Variants in MCOLN1 observed in about 807,000 individuals in gnomAD.
The protein encoded by MCOLN1 is mucolipin TRP cation channel 1.
Under a neutral mutation model 70.3 loss-of-function variants are expected in MCOLN1, and 50 were observed. The ratio of observed to expected loss-of-function variants is 0.71; its 90% CI spans 0.57 to 0.90. The LOEUF (loss-of-function observed/expected upper bound fraction) is 0.90, where lower values mean the gene tolerates loss of function less well. Among genes scored for constraint, MCOLN1 ranks in the 40% least tolerant of loss-of-function variants. The pLI is 0.00. For synonymous variants in MCOLN1, 366 were observed against 341.0 expected (o/e 1.07, Z -0.81); for missense variants, 598 against 803.5 (o/e 0.74, Z 3.09).
chr19:7,522,780 A>G lies in MCOLN1; in HGVS notation c.30A>G (p.Ser10=). Reference sequence around the variant, plus strand: ...CAGCCCCGGCGGGTCCGCGCGGCTCAGGTGAGGGCGCGGGCGGCACCGTGG... The same window carrying G: ...CAGCCCCGGCGGGTCCGCGCGGCTCGGGTGAGGGCGCGGGCGGCACCGTGG... The part of the protein sequence containing the change: MTAPAGPRG[S]ETERLLTPNP... Residue 10 remains serine (S), a splice_region_variant and synonymous_variant, in exon 1 of 14, where the codon TCA becomes TCG. Transcript: ENST00000264079. The G allele has an allele frequency of 3.7e-6, 5 of 1,368,282 alleles. No individual in the cohort carries two copies. The highest frequency in any genetic ancestry group is 4.7e-6 in the Non-Finnish European group (5 of 1,066,436). The allele number at this position is 1,368,282 out of a possible 1,614,324, so 84.8% of individuals were successfully genotyped here.
chr19:7,529,730 TG>T lies in MCOLN1; in HGVS notation c.1359+19del. ...ATGTGAAGGTACATCTAACCCCTGA[TG>T]TCCCTGACATTGACCCTGTGACCTT... is the stretch of plus-strand genomic sequence containing the variant. On this transcript the variant is annotated intron_variant, in intron 11 of 13. Coordinates refer to ENST00000264079, the MANE Select transcript of MCOLN1 (RefSeq NM_020533.3). 2 of 1,613,888 alleles carry T rather than the reference TG, an allele frequency of 1.2e-6. No individual in the cohort carries two copies.
chr19:7,529,520 C>CCACA (rs2022623641), intron 10 of MCOLN1, 70 bp from the exon 11 acceptor site: 13 of 1,386,818 alleles, frequency 9.4e-6, no homozygotes, highest in Admixed American at 3.6e-5. Flanking sequence ...CTCCCACCCC[C>CCACA]ATCTGGGTGC....
Position 7,530,442 on chromosome 19 carries a change from A to T in MCOLN1, c.1516A>T (p.Ile506Phe). The T allele has an allele frequency of 1.2e-6, 2 of 1,613,220 alleles. No homozygotes were observed. Among genetic ancestry groups the T allele is most frequent in the Non-Finnish European group, 1.7e-6 (2 of 1,180,016 alleles). ...CCTTTACTCCTTCATCAGCCTCTTC[A>T]TCTACATGGTGCTCAGCCTCTTCAT... ...LYLYSFISLF[I>F]YMVLSLFIAL... The change falls in exon 12 of 14, where the codon ATC (isoleucine) becomes TTC (phenylalanine). Residue 506 changes from isoleucine (I) to phenylalanine (F), a missense_variant. Coordinates refer to ENST00000264079, the MANE Select transcript of MCOLN1 (RefSeq NM_020533.3).
intron 13 of MCOLN1, 31 bp downstream of exon 13, chr19:7,533,684 T>C (rs1435210281): frequency 5.0e-6 from 8 of 1,614,042 alleles, no homozygotes; most frequent in Middle Eastern, 1.6e-4. Flanking sequence ...ACATTCAGAT[T>C]GGAGGTTAGG....
At position 7,533,402 on chromosome 19, in the gene MCOLN1, G is replaced by A. The variant is rs995805253; in HGVS notation, c.1576-121G>A. ...TGGAACAACGGGTGGAGCAGGCCCA[G>A]CAAGTGCAAAGGCCCGGAGGTGGGA... is the stretch of plus-strand genomic sequence containing the variant. On this transcript the variant is annotated intron_variant, in intron 12 of 13. Coordinates refer to ENST00000264079, the MANE Select transcript of MCOLN1 (RefSeq NM_020533.3). The A allele has an allele frequency of 8.2e-6, 11 of 1,347,894 alleles. No individual in the cohort carries two copies. In the Admixed American group the frequency reaches 1.5e-4, roughly 19 times the overall value. The allele number at this position is 1,347,894 out of a possible 1,614,324, so 83.5% of individuals were successfully genotyped here. A position where few individuals can be genotyped will look rare whatever the true frequency, so the allele number is the denominator to read the frequency against.
chr19:7,526,280 A>C lies in MCOLN1; in HGVS notation c.238-159A>C. The C allele has an allele frequency of 1.2e-6, 1 of 823,836 alleles. No homozygotes were observed. Among genetic ancestry groups the C allele is most frequent in the South Asian group, 1.4e-5 (1 of 69,432 alleles). The allele number at this position is 823,836 out of a possible 1,614,324, so 51.0% of individuals were successfully genotyped here. On this transcript the variant is annotated intron_variant, in intron 2 of 13. Coordinates refer to ENST00000264079, the MANE Select transcript of MCOLN1 (RefSeq NM_020533.3). The surrounding 1 kb of genome is among the most constrained non-coding windows in gnomAD (Gnocchi z 4.6). ...AATTAATCAAAGCAAAGAAATGCACAAGTGAAATCCGTGTTTGTGGCCCAA... is the reference window on the plus strand; with the variant it reads ...AATTAATCAAAGCAAAGAAATGCACCAGTGAAATCCGTGTTTGTGGCCCAA...
rs1243365768 is a variant in MCOLN1, at chr19:7,525,036, C to A, written c.107C>A (p.Pro36Gln). ...CCTTCACCGGCCCCTCCGACACCCC[C>A]AGAAGAGGAAGACCTTCGCCGTCGT... ...AGPSPAPPTPPEEEDLRRRLK... is the reference protein window; with the variant it reads ...AGPSPAPPTPQEEEDLRRRLK... The change falls in exon 2 of 14, where the codon CCA becomes CAA. Residue 36 changes from proline (P) to glutamine (Q), a missense_variant. Pro to Gln is a moderately conservative substitution (Grantham distance 76). Transcript: ENST00000264079. This position sits in a 1 kb window ranked among gnomAD's most constrained non-coding sequence, Gnocchi z 4.2. The A allele has an allele frequency of 6.2e-7, 1 of 1,614,120 alleles. No individual in the cohort carries two copies. Among genetic ancestry groups the A allele is most frequent in the Admixed American group, 1.7e-5 (1 of 60,032 alleles).
At chr19:7,529,501 G>GCCCCCCCCCCCCCCC in intron 10 of MCOLN1, 89 bp from the exon 11 acceptor site, 3 of 747,246 alleles carry the variant, frequency 4.0e-6, no homozygotes, top group East Asian at 2.9e-5. Context: ...CCTCGGCAAG[G>GCCCCCCCCCCCCCCC]CCCCGCCCCT....
In MCOLN1 at chr19:7,525,707, GCTTA is replaced by G. The variant is rs5826976; in HGVS notation, c.237+545_237+548del. 39,173 of 173,426 alleles carry G rather than the reference GCTTA, an allele frequency of 0.23. 5,105 individuals carry two copies. The highest frequency in any genetic ancestry group is 0.29 in the Admixed American group (5,235 of 18,288). 10.7% of individuals were successfully genotyped at this position (173,426 alleles called of 1,614,324 possible). On this transcript the variant is annotated intron_variant, in intron 2 of 13. Transcript: ENST00000264079. The surrounding 1 kb of genome is among the most constrained non-coding windows in gnomAD (Gnocchi z 4.2). The stretch of plus-strand genomic sequence containing the variant: ...ATCAGACCCAGCCACTGCCCTAAGT[GCTTA>G]CTTCATGTTTTGGGCTGACTTTAGC...
intron 1 of MCOLN1, 71 bp downstream of exon 1, chr19:7,522,852 G>A: frequency 1.3e-5 from 16 of 1,237,044 alleles, no homozygotes; most frequent in Non-Finnish European, 1.7e-5. Context: ...CTGGGGCGGC[G>A]GAGCTCCTAG....
At position 7,527,558 on chromosome 19, in the gene MCOLN1, C is replaced by T. The variant is rs886054694; in HGVS notation, c.610C>T (p.Pro204Ser). Residue 204 changes from proline to serine, a missense_variant, in exon 5 of 14, where the codon CCC (proline) becomes TCC (serine). Coordinates refer to ENST00000264079, the MANE Select transcript of MCOLN1 (RefSeq NM_020533.3). ...GGATCCCCCCGAGCGGCCCCCTCCGCCCCCCAGCGACGATCTCACCCTCTT... is the reference window on the plus strand; with the variant it reads ...GGATCCCCCCGAGCGGCCCCCTCCGTCCCCCAGCGACGATCTCACCCTCTT... ...QVDPPERPPP[P>S]PSDDLTLLES... 5.5e-5 allele frequency: 88 copies of T among 1,609,008 alleles called. No individual in the cohort carries two copies. The highest frequency in any genetic ancestry group is 7.2e-5 in the Non-Finnish European group (85 of 1,175,442).
At chr19:7,530,766 C>T (rs557379999) in intron 12 of MCOLN1, among the ~76,000 whole-genome samples, 14 of 152,308 alleles carry the variant, frequency 9.2e-5, no homozygotes, top group East Asian at 1.9e-4. Flanking sequence ...TTATTTGAGA[C>T]GGAGTCTTGC....
chr19:7,531,736 C>T (rs1311119808), intron 12 of MCOLN1, among the ~76,000 whole-genome samples: 4 of 152,062 alleles, frequency 2.6e-5, no homozygotes, highest in South Asian at 2.1e-4. Flanking sequence ...GGTGCAATCT[C>T]GGCTCACTGC....
Position 7,529,142 on chromosome 19 carries a change from C to G in MCOLN1, c.1176C>G (p.Thr392=). 1 of 1,613,938 alleles carries G rather than the reference C, an allele frequency of 6.2e-7. No homozygotes were observed. The change falls in exon 10 of 14, where the codon ACC becomes ACG. Residue 392 remains threonine (T), a synonymous_variant. Transcript: ENST00000264079. The stretch of plus-strand genomic sequence containing the variant: ...ACGTCTGCAGCATCCTCCTGGGCAC[C>G]TCGACGCTGCTGGTGTGGGTGGGCG... ...SYDVCSILLG[T]STLLVWVGVI...
intron 12 of MCOLN1, among the ~76,000 whole-genome samples, chr19:7,531,354 C>CCA: frequency 6.6e-6 from 1 of 152,038 alleles, no homozygotes; most frequent in South Asian, 2.1e-4. Context: ...GCACGTGCCA[C>CCA]CACACCTGGC....
chr19:7,529,531 C>G, intron 10 of MCOLN1, 59 bp from the exon 11 acceptor site: 1 of 924,630 alleles, frequency 1.1e-6, no homozygotes, highest in Non-Finnish European at 1.6e-6. Flanking sequence ...ATCTGGGTGC[C>G]CACAGCTGAC....
Position 7,533,946 on chromosome 19 carries a change from C to T in MCOLN1, c.*151C>T, listed in dbSNP as rs2022718206. 2 of 846,890 alleles carry T rather than the reference C, an allele frequency of 2.4e-6. No homozygotes were observed. Among genetic ancestry groups the T allele is most frequent in the African/African-American group, 1.7e-5 (1 of 59,288 alleles). 52.5% of individuals were successfully genotyped at this position (846,890 alleles called of 1,614,324 possible). On this transcript the variant is annotated 3_prime_UTR_variant, in exon 14 of 14. Coordinates refer to ENST00000264079, the MANE Select transcript of MCOLN1 (RefSeq NM_020533.3). Reference sequence around the variant, plus strand: ...ACCTTTCGTGTCGGACCCTTGGGGGCGGGGAGACTGGGTGGGGAGGGTGTT... The same window carrying T: ...ACCTTTCGTGTCGGACCCTTGGGGGTGGGGAGACTGGGTGGGGAGGGTGTT...
chr19:7,528,353 C>A lies in MCOLN1; in HGVS notation c.877+96C>A. On this transcript the variant is annotated intron_variant, in intron 7 of 13. Transcript: ENST00000264079. This position sits in a 1 kb window ranked among gnomAD's most constrained non-coding sequence, Gnocchi z 4.2. ...ATCAGCGCTGCCTGGGGGCCGTGACCTCCCCAGGAATCCGCTGAGCCTCAG... is the reference window on the plus strand; with the variant it reads ...ATCAGCGCTGCCTGGGGGCCGTGACATCCCCAGGAATCCGCTGAGCCTCAG... The A allele has an allele frequency of 8.1e-7, 1 of 1,228,206 alleles. No individual in the cohort carries two copies. Among genetic ancestry groups the A allele is most frequent in the Non-Finnish European group, 1.2e-6 (1 of 843,984 alleles). 76.1% of individuals were successfully genotyped at this position (1,228,206 alleles called of 1,614,324 possible).
At chr19:7,529,523 C>CCCAG in intron 10 of MCOLN1, 67 bp from the exon 11 acceptor site, 33 of 1,156,190 alleles carry the variant, frequency 2.9e-5, no homozygotes, top group East Asian at 5.9e-5. Flanking sequence ...CCACCCCCAT[C>CCCAG]TGGGTGCCCA....
Sources: allele counts gnomAD v4.1 joint callset (sites outside exome capture counted in the v4.1 genomes callset), GRCh38; gene constraint gnomAD v4.1.1; non-coding constraint Gnocchi (gnomAD v3.1); transcripts MANE v1.5; gene names NCBI Gene and HGNC (gene_info 2026-07-23, HGNC 2026-07-21).